The following LIPI variants were observed in gnomAD, a reference collection of about 807,000 sequenced individuals.
LIPI encodes lipase I.
In LIPI, 59 loss-of-function variants were observed where a neutral mutation model predicts 50.6. That is an observed-to-expected ratio of 1.16 (90% confidence interval 0.94 to 1.45). The LOEUF (loss-of-function observed/expected upper bound fraction) is 1.45. Among genes scored for constraint, LIPI ranks in the 40% most tolerant of loss-of-function variants. The probability of loss-of-function intolerance (pLI) is 0.00; values close to 1 mark genes in which losing one functional copy is unlikely to be tolerated. For missense variants in LIPI, 586 were observed against 536.3 expected (o/e 1.09, Z -0.92); for synonymous variants, 203 against 178.2 (o/e 1.14, Z -1.11).
At chr21:14,210,603 C>T (rs531608961) in intron 1 of LIPI, among the ~76,000 whole-genome samples, 197 bp downstream of exon 1, 1 of 151,412 alleles carries the variant, frequency 6.6e-6, no homozygotes, top group Non-Finnish European at 1.5e-5. Context: ...AAAATGTCAA[C>T]TTATTAAACA....
intron 9 of LIPI, among the ~76,000 whole-genome samples, chr21:14,139,653 A>G (rs762085168): frequency 2.0e-5 from 3 of 152,202 alleles, no homozygotes; most frequent in African/African-American, 7.2e-5. Context: ...AATAACTCCT[A>G]CGAGAACAAC....
chr21:14,162,479 G>A (rs574047055), intron 7 of LIPI, among the ~76,000 whole-genome samples: 48 of 151,764 alleles, frequency 3.2e-4, no homozygotes, highest in Admixed American at 2.3e-3. Flanking sequence ...AGGAAAATCT[G>A]ATTAAGATGG....
intron 4 of LIPI, among the ~76,000 whole-genome samples, chr21:14,171,739 A>G (rs1377344450): frequency 2.0e-5 from 3 of 151,870 alleles, no homozygotes; most frequent in Non-Finnish European, 4.4e-5. Flanking sequence ...AGACTTAAAC[A>G]TTAGACCTAA....
intron 1 of LIPI, among the ~76,000 whole-genome samples, chr21:14,191,935 C>T (rs1042024945): frequency 6.6e-6 from 1 of 152,140 alleles, no homozygotes; most frequent in African/African-American, 2.4e-5. Flanking sequence ...GTTCTAGTCA[C>T]CCCAGCTGAC....
intron 7 of LIPI, among the ~76,000 whole-genome samples, chr21:14,158,987 G>T (rs1390591002): frequency 6.6e-6 from 1 of 151,420 alleles, no homozygotes; most frequent in Non-Finnish European, 1.5e-5. Flanking sequence ...AATTAAATTT[G>T]TAGTAAAAAC....
At chr21:14,115,224 C>T (rs1225207245) in intron 9 of LIPI, among the ~76,000 whole-genome samples, 1 of 152,086 alleles carries the variant, frequency 6.6e-6, no homozygotes, top group Non-Finnish European at 1.5e-5. Flanking sequence ...TCAGCGAGTT[C>T]CTGCTTCACC....
intron 9 of LIPI, among the ~76,000 whole-genome samples, chr21:14,126,052 G>A (rs1309973236): frequency 6.6e-6 from 1 of 152,194 alleles, no homozygotes; most frequent in East Asian, 1.9e-4. Context: ...GCTGGTGAAG[G>A]TGCAGTTTGG....
At chr21:14,207,277 CAT>C (rs2020251200) in intron 1 of LIPI, among the ~76,000 whole-genome samples, 1 of 152,082 alleles carries the variant, frequency 6.6e-6, no homozygotes, top group African/African-American at 2.4e-5. Context: ...AACAATAATA[CAT>C]AGTTTCAAAT....
At chr21:14,173,334 T>A (rs1177866145) in intron 4 of LIPI, among the ~76,000 whole-genome samples, 2 of 152,294 alleles carry the variant, frequency 1.3e-5, no homozygotes, top group East Asian at 3.9e-4. Context: ...ATCTAACAAC[T>A]AAGTTGCCTT....
intron 9 of LIPI, among the ~76,000 whole-genome samples, chr21:14,134,031 G>T (rs1168606366): frequency 6.6e-6 from 1 of 152,068 alleles, no homozygotes; most frequent in Non-Finnish European, 1.5e-5. Flanking sequence ...TTCAAGATCA[G>T]CCTGGGCAAC....
Position 14,144,775 on chromosome 21 carries a change from A to G in LIPI, c.1143T>C (p.Leu381=). The change falls in exon 9 of 10, where the codon CTT becomes CTC. Residue 381 remains leucine, a synonymous_variant. Coordinates refer to ENST00000681601, the MANE Select transcript of LIPI (RefSeq NM_001302998.2). ...LYEKNKPFYK[L]QEVKILAQFY... ...ATTGAGCAAGAATCTTGACTTCTTG[A>G]AGTTTATAAAATGGTTTGTTCTTTC... 1 of 1,577,612 alleles carries G rather than the reference A, an allele frequency of 6.3e-7. No homozygotes were observed. The highest frequency in any genetic ancestry group is 2.2e-5 in the East Asian group (1 of 44,586).
intron 6 of LIPI, 60 bp from the exon 7 acceptor site, chr21:14,163,583 A>G (rs1422739137): frequency 7.1e-6 from 6 of 841,868 alleles, no homozygotes; most frequent in Non-Finnish European, 1.3e-5. Flanking sequence ...AAAAATGTCA[A>G]ATCACTAAAG....
chr21:14,115,260 A>C (rs1243553651), intron 9 of LIPI, among the ~76,000 whole-genome samples: 1 of 152,152 alleles, frequency 6.6e-6, no homozygotes, highest in African/African-American at 2.4e-5. Context: ...CAAAGTTACA[A>C]GGTTGATACA....
chr21:14,119,641 A>G (rs1474330865), intron 9 of LIPI, among the ~76,000 whole-genome samples: 1 of 152,232 alleles, frequency 6.6e-6, no homozygotes, highest in Non-Finnish European at 1.5e-5. Flanking sequence ...TTTCAAGGAA[A>G]TCAAGAAAGC....
intron 9 of LIPI, among the ~76,000 whole-genome samples, chr21:14,139,540 T>G (rs1409944801): frequency 6.6e-6 from 1 of 152,162 alleles, no homozygotes; most frequent in Non-Finnish European, 1.5e-5. Flanking sequence ...GAAATAAGTC[T>G]TTGAAGAAAA....
intron 9 of LIPI, among the ~76,000 whole-genome samples, chr21:14,133,459 A>T (rs114415583): frequency 0.013 from 2,054 of 152,330 alleles, 27 homozygotes; most frequent in African/African-American, 0.039. Context: ...CAAACTAGAC[A>T]TAGAAGGAAC....
intron 9 of LIPI, among the ~76,000 whole-genome samples, chr21:14,113,217 G>A (rs1033356170): frequency 2.6e-5 from 4 of 152,234 alleles, no homozygotes; most frequent in Non-Finnish European, 4.4e-5. Flanking sequence ...TAAGCATTGT[G>A]AAGCTGGAAA....
At chr21:14,184,958 T>A (rs925040493) in intron 3 of LIPI, among the ~76,000 whole-genome samples, 17 of 149,992 alleles carry the variant, frequency 1.1e-4, no homozygotes, top group African/African-American at 4.2e-4. Flanking sequence ...TCTTTCCCCC[T>A]TTTTTGAAAC....
chr21:14,119,373 A>G (rs1467099999), intron 9 of LIPI, among the ~76,000 whole-genome samples: 1 of 152,198 alleles, frequency 6.6e-6, no homozygotes, highest in Non-Finnish European at 1.5e-5. Flanking sequence ...AGGAAAAGGC[A>G]CAGATCTGTG....
Sources: allele counts gnomAD v4.1 joint callset (sites outside exome capture counted in the v4.1 genomes callset), GRCh38; gene constraint gnomAD v4.1.1; transcripts MANE v1.5; gene names NCBI Gene and HGNC (gene_info 2026-07-23, HGNC 2026-07-21).